The following TAFA2 variants were observed in gnomAD, a reference collection of about 807,000 sequenced individuals.
TAFA2 encodes TAFA chemokine like family member 2.
TAFA2 carries 7 observed loss-of-function variants against 18.8 expected under a neutral mutation model. That is an observed-to-expected ratio of 0.37 (90% confidence interval 0.21 to 0.70). The LOEUF is 0.70. Ranked by LOEUF, TAFA2 falls within the 30% of genes least tolerant of loss-of-function variation. The pLI is 0.53. For missense variants in TAFA2, 122 were observed against 158.1 expected, an observed-to-expected ratio of 0.77 and a Z score of 1.23; for synonymous variants, 60 against 54.2, an observed-to-expected ratio of 1.11 and a Z score of -0.47.
chr12:61,978,364 A>G (rs1487106173), intron 1 of TAFA2, among the ~76,000 whole-genome samples: 2 of 152,106 alleles, frequency 1.3e-5, no homozygotes, highest in African/African-American at 4.8e-5. Flanking sequence ...CTCACCCCCT[A>G]TATTTCAAAA....
chr12:61,986,680 T>A (rs908590544), intron 1 of TAFA2, among the ~76,000 whole-genome samples: 1 of 151,380 alleles, frequency 6.6e-6, no homozygotes, highest in Admixed American at 6.6e-5. Context: ...TCACTTAAAC[T>A]GTTCAATAAT....
intron 1 of TAFA2, among the ~76,000 whole-genome samples, chr12:61,962,196 C>T (rs1401549686): frequency 6.6e-6 from 1 of 151,914 alleles, no homozygotes; most frequent in African/African-American, 2.4e-5. Flanking sequence ...ATATTTTAAC[C>T]TAAATCCCTG....
chr12:61,777,783 A>C (rs1352184708), intron 2 of TAFA2, among the ~76,000 whole-genome samples: 1 of 151,898 alleles, frequency 6.6e-6, no homozygotes, highest in Non-Finnish European at 1.5e-5. Flanking sequence ...TAATACATAT[A>C]AAGCACCTGC....
At chr12:61,840,856 A>T (rs1873141672) in intron 2 of TAFA2, among the ~76,000 whole-genome samples, 1 of 152,118 alleles carries the variant, frequency 6.6e-6, no homozygotes, top group Non-Finnish European at 1.5e-5. Flanking sequence ...GGAAATTTAG[A>T]ATTTAAGTAA....
chr12:62,140,114 G>C (rs1332094581), intron 1 of TAFA2: 1 of 152,158 alleles, frequency 6.6e-6, no homozygotes, highest in African/African-American at 2.4e-5. Context: ...GTTTTATGAA[G>C]AGATTTGTCC....
chr12:61,870,490 C>T (rs919485989), intron 1 of TAFA2, among the ~76,000 whole-genome samples: 4 of 152,190 alleles, frequency 2.6e-5, no homozygotes, highest in African/African-American at 9.7e-5. Context: ...AAAACCTTAA[C>T]ATGATTCCCT....
At chr12:61,888,121 C>T (rs1875470389) in intron 1 of TAFA2, among the ~76,000 whole-genome samples, 1 of 152,068 alleles carries the variant, frequency 6.6e-6, no homozygotes, top group Non-Finnish European at 1.5e-5. Context: ...AACACTTTTA[C>T]ACTGTTGGTG....
At chr12:62,164,547 T>C (rs2062426753) in intron 1 of TAFA2, among the ~76,000 whole-genome samples, 1 of 152,140 alleles carries the variant, frequency 6.6e-6, no homozygotes, top group Non-Finnish European at 1.5e-5. Flanking sequence ...TCACTCATGA[T>C]TTGAGATAGA....
chr12:61,754,346 T>C (rs7979223), intron 3 of TAFA2, among the ~76,000 whole-genome samples: 46,223 of 151,528 alleles, frequency 0.31, 7,268 homozygotes, highest in South Asian at 0.38. Flanking sequence ...TAAATGCATA[T>C]AAAGATTTAT....
At chr12:62,083,312 G>A (rs1005783984) in intron 1 of TAFA2, among the ~76,000 whole-genome samples, 2 of 151,884 alleles carry the variant, frequency 1.3e-5, no homozygotes, top group African/African-American at 4.8e-5. Context: ...GAATGGTAAT[G>A]ACAACTTCTT....
At chr12:62,210,886 G>T (rs745865776) in intron 1 of TAFA2, among the ~76,000 whole-genome samples, 2 of 152,110 alleles carry the variant, frequency 1.3e-5, no homozygotes, top group African/African-American at 2.4e-5. Flanking sequence ...TAAGGTAGAA[G>T]TTAATTAGAC....
intron 4 of TAFA2, among the ~76,000 whole-genome samples, chr12:61,716,592 C>A (rs1030773831): frequency 7.9e-5 from 12 of 151,920 alleles, no homozygotes; most frequent in African/African-American, 2.9e-4. Context: ...AAAAAAAATT[C>A]TTTTCTCCAA....
In TAFA2 at chr12:61,731,602, G is replaced by C. The variant is rs1156450669; in HGVS notation, c.385-21185C>G. On this transcript the variant is annotated intron_variant, in intron 4 of 4. Transcript: ENST00000416284. ...TTCCGCCTCTCAGATCATAATTGTT[G>C]CATCAGTAGACAACTTAATAAACTT... 4.8e-5 allele frequency among the ~76,000 whole-genome samples: 3 copies of C among 62,016 alleles called. No individual in the cohort carries two copies. The East Asian group carries it at 1.1e-3, about 22-fold the overall frequency. 40.7% of individuals were successfully genotyped at this position (62,016 alleles called of 152,430 possible).
intron 1 of TAFA2, among the ~76,000 whole-genome samples, chr12:62,016,982 A>T (rs1261914317): frequency 6.6e-6 from 1 of 152,236 alleles, no homozygotes; most frequent in Non-Finnish European, 1.5e-5. Context: ...TACCAACTCT[A>T]TAACTTTTTA....
intron 1 of TAFA2, among the ~76,000 whole-genome samples, chr12:62,006,021 T>C (rs992843948): frequency 1.3e-5 from 2 of 152,204 alleles, no homozygotes; most frequent in East Asian, 3.8e-4. Context: ...ATTTTTATAA[T>C]ACTATGAAGA....
At chr12:61,781,168 T>C (rs1293646646) in intron 2 of TAFA2, among the ~76,000 whole-genome samples, 1 of 151,740 alleles carries the variant, frequency 6.6e-6, no homozygotes, top group Non-Finnish European at 1.5e-5. Flanking sequence ...AATCAGCAGG[T>C]ATAAATGGGT....
chr12:62,118,081 T>C (rs11836702), intron 1 of TAFA2, among the ~76,000 whole-genome samples: 17,970 of 152,150 alleles, frequency 0.12, 1,353 homozygotes, highest in Middle Eastern at 0.18. Flanking sequence ...TCACCTCATA[T>C]GACATCCCTC....
At chr12:62,138,000 G>A (rs934006317) in intron 1 of TAFA2, among the ~76,000 whole-genome samples, 2 of 151,952 alleles carry the variant, frequency 1.3e-5, no homozygotes, top group Non-Finnish European at 2.9e-5. Flanking sequence ...CTTCAATTTT[G>A]TACTGCTTAT....
chr12:61,733,517 T>A (rs1264761478), intron 4 of TAFA2, among the ~76,000 whole-genome samples: 5 of 151,026 alleles, frequency 3.3e-5, no homozygotes, highest in Non-Finnish European at 7.4e-5. Context: ...CAGCACCATT[T>A]ATTAAATAGG....
Sources: gnomAD v4.1 joint callset for allele counts (sites outside exome capture counted in the v4.1 genomes callset) on GRCh38, gnomAD v4.1.1 for gene constraint, MANE v1.5 for transcripts, NCBI Gene and HGNC (gene_info 2026-07-23, HGNC 2026-07-21) for gene names.